SGO2: variants seen among roughly 807,000 people sequenced by gnomAD.
The protein encoded by SGO2 is shugoshin-like 2.
In SGO2, 68 loss-of-function variants were observed where a neutral mutation model predicts 99.5. The observed-to-expected ratio is 0.68, with a 90% CI of 0.56 to 0.84. The LOEUF (loss-of-function observed/expected upper bound fraction) is 0.84. Ranked by LOEUF, SGO2 falls within the 40% of genes least tolerant of loss-of-function variation. SGO2 has a pLI of 0.00. For synonymous variants in SGO2, 457 were observed against 487.1 expected, an observed-to-expected ratio of 0.94 and a Z score of 0.81; for missense variants, 1,350 against 1,436.7, an observed-to-expected ratio of 0.94 and a Z score of 0.97.
At chr2:200,574,295 G>A (rs556875396) in intron 7 of SGO2, among the ~76,000 whole-genome samples, 58 of 152,142 alleles carry the variant, frequency 3.8e-4, no homozygotes, top group African/African-American at 1.3e-3. Flanking sequence ...TGTTTTAAAT[G>A]TATATAATAA....
Position 200,542,621 on chromosome 2 carries a change from C to G in SGO2, c.430C>G (p.Arg144Gly). 6.2e-7 allele frequency: 1 copy of G among 1,612,348 alleles called. No individual in the cohort carries two copies. Among genetic ancestry groups the G allele is most frequent in the Non-Finnish European group, 8.5e-7 (1 of 1,179,150 alleles). Reference protein sequence around the residue: ...SFLLSASKKKRISKQCKLMRL... With the variant: ...SFLLSASKKKGISKQCKLMRL... ...TCTACTGTCAGCTAGCAAGAAGAAA[C>G]GAATTAGTAAACAGTGCAAGTTGAT... is the stretch of plus-strand genomic sequence containing the variant. Residue 144 changes from arginine (R) to glycine (G), a missense_variant, in exon 5 of 9, where the codon CGA (arginine) becomes GGA (glycine). Coordinates refer to ENST00000357799, the MANE Select transcript of SGO2 (RefSeq NM_152524.6).
At position 200,572,733 on chromosome 2, in the gene SGO2, C is replaced by A. The variant is rs372049296; in HGVS notation, c.2387C>A (p.Pro796His). 19 of 1,612,834 alleles carry A rather than the reference C, an allele frequency of 1.2e-5. No individual in the cohort carries two copies. The African/African-American group carries it at 1.9e-4, about 16-fold the overall frequency. Residue 796 changes from proline (P) to histidine (H), a missense_variant, in exon 7 of 9, where the codon CCT becomes CAT. Coordinates refer to ENST00000357799, the MANE Select transcript of SGO2 (RefSeq NM_152524.6). ...GTGAAACATGGCCATGATATGCAAC[C>A]TGCTTGTCAAAATGATTCAAAAATA... ...LGVKHGHDMQ[P>H]ACQNDSKIGK...
intron 8 of SGO2, among the ~76,000 whole-genome samples, chr2:200,582,027 A>G (rs1455429260): frequency 1.3e-5 from 2 of 152,162 alleles, no homozygotes; most frequent in African/African-American, 4.8e-5. Flanking sequence ...TATTTCATCT[A>G]AAAACCACAT....
chr2:200,543,877 G>A (rs983164410), intron 5 of SGO2, among the ~76,000 whole-genome samples: 2 of 152,182 alleles, frequency 1.3e-5, no homozygotes, highest in Non-Finnish European at 2.9e-5. Context: ...TTTGTTTGAA[G>A]TATATTATAC....
chr2:200,551,974 G>A (rs1376000146), intron 5 of SGO2, among the ~76,000 whole-genome samples: 5 of 152,024 alleles, frequency 3.3e-5, no homozygotes, highest in Admixed American at 6.6e-5. Flanking sequence ...ATTTACACTT[G>A]AATTTTAGAA....
intron 4 of SGO2, among the ~76,000 whole-genome samples, chr2:200,538,867 A>G (rs1010759433): frequency 1.3e-5 from 2 of 151,934 alleles, no homozygotes; most frequent in Admixed American, 1.3e-4. Flanking sequence ...TTTTCTTTTA[A>G]TATGCTGCTG....
At chr2:200,542,867 T>TATTTGTTATTTGTA in intron 5 of SGO2, 1 of 400,212 alleles carries the variant, frequency 2.5e-6, no homozygotes, top group Non-Finnish European at 4.5e-6. Flanking sequence ...CAACCAGGTT[T>TATTTGTTATTTGTA]ATTTGTAATG....
chr2:200,527,424 TCTA>T (rs2031153798), intron 1 of SGO2, among the ~76,000 whole-genome samples: 1 of 152,226 alleles, frequency 6.6e-6, no homozygotes, highest in Admixed American at 6.5e-5. Flanking sequence ...GTTTCTGTGT[TCTA>T]CTGTCTTTGA....
At chr2:200,547,757 A>G (rs1316473722) in intron 5 of SGO2, among the ~76,000 whole-genome samples, 1 of 152,154 alleles carries the variant, frequency 6.6e-6, no homozygotes, top group African/African-American at 2.4e-5. Flanking sequence ...TCCCTTCAAG[A>G]AACTCACTTC....
intron 5 of SGO2, chr2:200,543,581 A>G (rs1251840410): frequency 6.6e-6 from 1 of 152,200 alleles, no homozygotes; most frequent in Admixed American, 6.5e-5. Flanking sequence ...GCACTTATTT[A>G]TTGAAATGCT....
intron 8 of SGO2, among the ~76,000 whole-genome samples, chr2:200,577,375 C>T (rs558065946): frequency 1.1e-4 from 17 of 152,220 alleles, no homozygotes; most frequent in African/African-American, 3.6e-4. Flanking sequence ...TCAGTTGGGT[C>T]ATTTGCCTTT....
At position 200,553,767 on chromosome 2, in the gene SGO2, C is replaced by T. The variant is rs965146387; in HGVS notation, c.473+11103C>T. On this transcript the variant is annotated intron_variant, in intron 5 of 8. Coordinates refer to ENST00000357799, the MANE Select transcript of SGO2 (RefSeq NM_152524.6). ...ATCTCAGATGAGACTTTTTTAAAGC[C>T]GAGCCCAGCCATGGGTTTGTACCCT... 4.5e-4 allele frequency among the ~76,000 whole-genome samples: 69 copies of T among 152,126 alleles called. 1 individual carries two copies. Among genetic ancestry groups the T allele is most frequent in the Admixed American group, 3.9e-4 (6 of 15,278 alleles).
In SGO2 at chr2:200,575,297, A is replaced by G. The variant is rs893098446; in HGVS notation, c.3632-14A>G. 4 of 1,513,024 alleles carry G rather than the reference A, an allele frequency of 2.6e-6. No individual in the cohort carries two copies. The highest frequency in any genetic ancestry group is 3.6e-6 in the Non-Finnish European group (4 of 1,115,764). 93.7% of individuals were successfully genotyped at this position (1,513,024 alleles called of 1,614,324 possible). ...CTTTTTAAAATATTTGTGAAAAATA[A>G]TATTCTTTTTCAGGTGATAGACCAT... On this transcript the variant is annotated splice_polypyrimidine_tract_variant and intron_variant, in intron 7 of 8. Transcript: ENST00000357799.
chr2:200,572,601 A>G lies in SGO2; in HGVS notation c.2255A>G (p.Glu752Gly). The change falls in exon 7 of 9, where the codon GAA becomes GGA. Residue 752 changes from glutamate (E) to glycine (G), a missense_variant. By Grantham distance (98) the Glu-to-Gly change is moderately conservative (BLOSUM62 -2). Coordinates refer to ENST00000357799, the MANE Select transcript of SGO2 (RefSeq NM_152524.6). ...HSLFLTQKDK[E>G]IIPGNLEDPS... is the part of the protein sequence containing the mutation. ...CTCTTTTTAACGCAAAAAGATAAGG[A>G]AATCATCCCTGGAAACCTAGAAGAC... 2 of 1,613,238 alleles carry G rather than the reference A, an allele frequency of 1.2e-6. No homozygotes were observed. The highest frequency in any genetic ancestry group is 1.7e-6 in the Non-Finnish European group (2 of 1,179,428).
In SGO2 at chr2:200,583,529, G is replaced by A. The variant is rs891625255; in HGVS notation, c.*65G>A. The A allele has an allele frequency of 6.4e-6, 9 of 1,412,084 alleles. No individual in the cohort carries two copies. Among genetic ancestry groups the A allele is most frequent in the Non-Finnish European group, 7.7e-6 (8 of 1,037,874 alleles). The allele number at this position is 1,412,084 out of a possible 1,614,324, so 87.5% of individuals were successfully genotyped here. A position where few individuals can be genotyped will look rare whatever the true frequency, so the allele number is the denominator to read the frequency against. ...CATAAGGAATCAAAACAGAAATATAGTATCAAGAAGATGAAATGCTTAATG... is the reference window on the plus strand; with the variant it reads ...CATAAGGAATCAAAACAGAAATATAATATCAAGAAGATGAAATGCTTAATG... On this transcript the variant is annotated 3_prime_UTR_variant, in exon 9 of 9. Coordinates refer to ENST00000357799, the MANE Select transcript of SGO2 (RefSeq NM_152524.6).
chr2:200,573,579 A>G lies in SGO2; in HGVS notation c.3233A>G (p.Lys1078Arg), dbSNP rs1385418619. 2 of 1,605,744 alleles carry G rather than the reference A, an allele frequency of 1.2e-6. No individual in the cohort carries two copies. The highest frequency in any genetic ancestry group is 1.7e-6 in the Non-Finnish European group (2 of 1,177,814). Residue 1078 changes from lysine (K) to arginine (R), a missense_variant, in exon 7 of 9, where the codon AAG becomes AGG. Physicochemically the swap from Lys to Arg is conservative, Grantham distance 26. Coordinates refer to ENST00000357799, the MANE Select transcript of SGO2 (RefSeq NM_152524.6). ...QVKKVNKMTS[K>R]SKKRKTSIDP... The stretch of plus-strand genomic sequence containing the variant: ...AAAAAGGTAAATAAAATGACATCTA[A>G]GTCAAAGAAAAGGAAGACCTCCATA...
intron 1 of SGO2, among the ~76,000 whole-genome samples, 195 bp from the exon 2 acceptor site, chr2:200,532,778 AT>A (rs1559197274): frequency 6.6e-6 from 1 of 152,200 alleles, no homozygotes; most frequent in South Asian, 2.1e-4. Flanking sequence ...AATGAAAAAA[AT>A]AATCATTTAC....
Position 200,571,592 on chromosome 2 carries a change from C to G in SGO2, c.1246C>G (p.Gln416Glu). The G allele has an allele frequency of 6.2e-7, 1 of 1,612,052 alleles. No individual in the cohort carries two copies. Among genetic ancestry groups the G allele is most frequent in the Non-Finnish European group, 8.5e-7 (1 of 1,179,462 alleles). ...SEKKRERSKR[Q>E]FKNSSDVDIG... ...AAAAAAGAGAGAAAGATCAAAGAGA[C>G]AGTTTAAAAATAGTTCAGATGTCGA... The change falls in exon 7 of 9, where the codon CAG becomes GAG. Residue 416 changes from glutamine (Q) to glutamate (E), a missense_variant. By Grantham distance (29) the Gln-to-Glu change is conservative. Coordinates refer to ENST00000357799, the MANE Select transcript of SGO2 (RefSeq NM_152524.6).
intron 5 of SGO2, among the ~76,000 whole-genome samples, chr2:200,560,599 G>A (rs929765316): frequency 4.6e-5 from 7 of 151,362 alleles, no homozygotes; most frequent in South Asian, 4.1e-4. Flanking sequence ...CAAACTTTGC[G>A]TTCCTAAAAA....
Sources: gnomAD v4.1 joint callset for allele counts (sites outside exome capture counted in the v4.1 genomes callset) on GRCh38, gnomAD v4.1.1 for gene constraint, MANE v1.5 for transcripts, NCBI Gene and HGNC (gene_info 2026-07-23, HGNC 2026-07-21) for gene names.